Variants in EP400 observed in about 807,000 individuals in gnomAD.
EP400 encodes E1A-binding protein p400.
EP400 carries 105 observed loss-of-function variants against 354.1 expected under a neutral mutation model. The observed-to-expected ratio is 0.30, with a 90% CI of 0.25 to 0.35. EP400 has a LOEUF of 0.35. Ranked by LOEUF, EP400 falls within the 10% of genes least tolerant of loss-of-function variation. EP400 has a pLI of 1.00. For synonymous variants in EP400, 1,646 were observed against 1,716.9 expected (o/e 0.96, Z 1.02); for missense variants, 3,280 against 4,121.0 (o/e 0.80, Z 5.59).
At chr12:132,066,721 G>C (rs1173296762) in intron 48 of EP400, 53 bp from the exon 49 acceptor site, 2 of 1,553,060 alleles carry the variant, frequency 1.3e-6, no homozygotes, top group Non-Finnish European at 1.7e-6. Flanking sequence ...TATTTGGAAA[G>C]ACATACCGTG....
At position 132,021,108 on chromosome 12, in the gene EP400, G is replaced by A; in HGVS notation, c.4477G>A (p.Ala1493Thr). Residue 1493 changes from alanine to threonine, a missense_variant, in exon 23 of 53, where the codon GCT becomes ACT. Coordinates refer to ENST00000389561, the MANE Select transcript of EP400 (RefSeq NM_015409.5). ...AGCAGCCCCGTTTCAGACCTCTCAGGCTTCCGCCAGTGCTCCACGACACCA... is the reference window on the plus strand; with the variant it reads ...AGCAGCCCCGTTTCAGACCTCTCAGACTTCCGCCAGTGCTCCACGACACCA... ...AAAAPFQTSQASASAPRHQPA... is the reference protein window; with the variant it reads ...AAAAPFQTSQTSASAPRHQPA... 6.3e-7 allele frequency: 1 copy of A among 1,599,726 alleles called. No individual in the cohort carries two copies.
At chr12:131,997,442 G>GT (rs1002069919) in intron 12 of EP400, among the ~76,000 whole-genome samples, 32 of 151,794 alleles carry the variant, frequency 2.1e-4, no homozygotes, top group African/African-American at 7.7e-4. Context: ...TGATTTTTGT[G>GT]TTTTTTGTAG....
rs1895916648 is a variant in EP400, at chr12:132,067,085, T to G, written c.8749+116T>G. On this transcript the variant is annotated intron_variant, in intron 49 of 52. Transcript: ENST00000389561. The surrounding 1 kb of genome is among the most constrained non-coding windows in gnomAD (Gnocchi z 5.3). Reference sequence around the variant, plus strand: ...TTCCTCACACCCACCCACTTGAGCGTGCCATCACGTGTTCTAGCACAAACG... The same window carrying G: ...TTCCTCACACCCACCCACTTGAGCGGGCCATCACGTGTTCTAGCACAAACG... 7.6e-7 allele frequency: 1 copy of G among 1,319,716 alleles called. No individual in the cohort carries two copies. The highest frequency in any genetic ancestry group is 3.0e-5 in the Admixed American group (1 of 33,078). The allele number at this position is 1,319,716 out of a possible 1,614,324, so 81.8% of individuals were successfully genotyped here. A position where few individuals can be genotyped will look rare whatever the true frequency, so the allele number is the denominator to read the frequency against.
At chr12:131,985,729 TCC>T (rs1892833081) in intron 5 of EP400, among the ~76,000 whole-genome samples, 1 of 152,192 alleles carries the variant, frequency 6.6e-6, no homozygotes, top group Non-Finnish European at 1.5e-5. Context: ...TGCTTCAGCC[TCC>T]CGAGTAGCTG....
At position 132,062,548 on chromosome 12, in the gene EP400, ACAG is replaced by A. The variant is rs528214697; in HGVS notation, c.8223_8225del (p.Gln2748del). The A allele has an allele frequency of 4.4e-3, 6,733 of 1,522,976 alleles. 9 individuals are homozygous for A. The highest frequency in any genetic ancestry group is 0.018 in the East Asian group (696 of 37,800). The allele number at this position is 1,522,976 out of a possible 1,614,324, so 94.3% of individuals were successfully genotyped here. A position where few individuals can be genotyped will look rare whatever the true frequency, so the allele number is the denominator to read the frequency against. On this transcript the variant is annotated inframe_deletion, in exon 47 of 53. Transcript: ENST00000389561. ...GGCAGCAGCAGCAGCAGCAGCAACA[ACAG>A]CAGCAGCAGCAGCAGCAGCAGCAGC...
Position 132,027,050 on chromosome 12 carries a change from C to T in EP400, c.5015-387C>T, listed in dbSNP as rs1894331598. On this transcript the variant is annotated intron_variant, in intron 25 of 52. Transcript: ENST00000389561. This position sits in a 1 kb window ranked among gnomAD's most constrained non-coding sequence, Gnocchi z 4.9. ...GGCTGCTCATGGCAGGCAAGGGCCTCACAGTCATCAGGCGGTCACCTGGGC... is the reference window on the plus strand; with the variant it reads ...GGCTGCTCATGGCAGGCAAGGGCCTTACAGTCATCAGGCGGTCACCTGGGC... Among the ~76,000 whole-genome samples the T allele has an allele frequency of 6.6e-6, 1 of 152,158 alleles. No individual in the cohort carries two copies. Among genetic ancestry groups the T allele is most frequent in the Non-Finnish European group, 1.5e-5 (1 of 68,024 alleles).
chr12:131,966,043 A>C (rs1892064873), intron 2 of EP400, among the ~76,000 whole-genome samples: 1 of 151,922 alleles, frequency 6.6e-6, no homozygotes, highest in Non-Finnish European at 1.5e-5. Context: ...GATTTCAAAA[A>C]AAAAAAAAAA....
At chr12:132,030,963 G>A (rs147032056) in intron 29 of EP400, among the ~76,000 whole-genome samples, 11 of 152,286 alleles carry the variant, frequency 7.2e-5, no homozygotes, top group East Asian at 3.9e-4. Context: ...TGTAAGTCGC[G>A]CAGCCTGCTT....
chr12:132,035,265 C>A (rs1000805571), intron 30 of EP400, among the ~76,000 whole-genome samples: 1 of 152,176 alleles, frequency 6.6e-6, no homozygotes, highest in African/African-American at 2.4e-5. Flanking sequence ...GAAAAGGGGA[C>A]GTCCTCATGT....
At chr12:131,950,163 C>G (rs1276497824) in intron 1 of EP400, 127 bp downstream of exon 1, 2 of 151,888 alleles carry the variant, frequency 1.3e-5, no homozygotes, top group Admixed American at 6.6e-5. Context: ...TCGGGCGTCG[C>G]GTGGGGACCA....
intron 42 of EP400, 56 bp from the exon 43 acceptor site, chr12:132,053,287 G>T (rs1593376445): frequency 2.5e-6 from 4 of 1,607,696 alleles, no homozygotes; most frequent in Admixed American, 1.7e-5. Context: ...TCATCCAGGG[G>T]GTATGCAGGC....
In EP400 at chr12:132,064,843, T is replaced by A. The variant is rs1240782934; in HGVS notation, c.8510T>A (p.Leu2837Gln). The A allele has an allele frequency of 1.2e-6, 2 of 1,611,758 alleles. No homozygotes were observed. Among genetic ancestry groups the A allele is most frequent in the African/African-American group, 2.7e-5 (2 of 74,920 alleles). ...GTCACGGCCCCAAGGCCTGGTGCCC[T>A]GCTGACGGGCACCACCGTGGCCAAC... ...TTVTAPRPGA[L>Q]LTGTTVANLQ... Residue 2837 changes from leucine (L) to glutamine (Q), a missense_variant, in exon 48 of 53, where the codon CTG becomes CAG. By Grantham distance (113) the Leu-to-Gln change is moderately radical. Around this residue, in one of 20 missense-constraint regions of EP400, gnomAD observed 279 missense variants for 386.7 expected, o/e 0.72. Coordinates refer to ENST00000389561, the MANE Select transcript of EP400 (RefSeq NM_015409.5).
intron 23 of EP400, among the ~76,000 whole-genome samples, chr12:132,023,031 C>G (rs929105798): frequency 1.3e-5 from 2 of 151,750 alleles, no homozygotes; most frequent in Non-Finnish European, 2.9e-5. Context: ...GATATAATCT[C>G]TCTTTGTGAG....
At chr12:131,969,211 T>C (rs1892207367) in intron 2 of EP400, among the ~76,000 whole-genome samples, 1 of 152,224 alleles carries the variant, frequency 6.6e-6, no homozygotes, top group Non-Finnish European at 1.5e-5. Flanking sequence ...ATATCATGAA[T>C]TGATGTTGAA....
intron 29 of EP400, chr12:132,031,119 C>T (rs996375906): frequency 2.3e-5 from 10 of 433,752 alleles, no homozygotes; most frequent in African/African-American, 6.1e-5. Context: ...GATTAGGTTT[C>T]GTTTCTGGCA....
intron 33 of EP400, 67 bp from the exon 34 acceptor site, chr12:132,043,578 T>C (rs112351929): frequency 1.3e-5 from 21 of 1,574,980 alleles, no homozygotes; most frequent in African/African-American, 8.2e-5. Context: ...GTTAGTGGAT[T>C]GTATAAGGAA....
intron 2 of EP400, among the ~76,000 whole-genome samples, chr12:131,969,974 G>T (rs1402893094): frequency 6.6e-6 from 1 of 152,112 alleles, no homozygotes; most frequent in African/African-American, 2.4e-5. Flanking sequence ...GCTTGAACTC[G>T]GGAGGCAGAG....
At chr12:131,968,459 A>G (rs904226842) in intron 2 of EP400, among the ~76,000 whole-genome samples, 1 of 152,154 alleles carries the variant, frequency 6.6e-6, no homozygotes, top group Non-Finnish European at 1.5e-5. Context: ...GTGTCACACT[A>G]TTGTGATTAC....
chr12:131,951,441 C>T (rs542993786), intron 1 of EP400, among the ~76,000 whole-genome samples: 1 of 151,956 alleles, frequency 6.6e-6, no homozygotes, highest in East Asian at 1.9e-4. Context: ...CCTTGGCCTC[C>T]TAGTGCTGGG....
Sources: allele counts gnomAD v4.1 joint callset (sites outside exome capture counted in the v4.1 genomes callset), GRCh38; gene constraint gnomAD v4.1.1; regional missense constraint gnomAD v4.1.1; non-coding constraint Gnocchi (gnomAD v3.1); transcripts MANE v1.5; gene names NCBI Gene and HGNC (gene_info 2026-07-23, HGNC 2026-07-21).